The following PARD3B variants were observed in gnomAD, a reference collection of about 807,000 sequenced individuals.
PARD3B encodes the protein par-3 family cell polarity regulator beta, also known as partitioning defective 3 homolog B.
PARD3B carries 103 observed loss-of-function variants against 130.2 expected under a neutral mutation model. The observed-to-expected ratio is 0.79, with a 90% CI of 0.67 to 0.93. The LOEUF is 0.93. Ranked by LOEUF, PARD3B falls within the 40% of genes least tolerant of loss-of-function variation. PARD3B has a pLI of 0.00. For synonymous variants in PARD3B, 583 were observed against 553.2 expected (o/e 1.05, Z -0.76); for missense variants, 1,609 against 1,499.2 (o/e 1.07, Z -1.21).
intron 2 of PARD3B, among the ~76,000 whole-genome samples, chr2:204,905,748 A>AG (rs913282993): frequency 3.3e-5 from 5 of 152,218 alleles, no homozygotes; most frequent in African/African-American, 1.2e-4. Flanking sequence ...AGATTTTACT[A>AG]GGCAGCTGCC....
At chr2:204,785,497 G>A (rs148699602) in intron 2 of PARD3B, among the ~76,000 whole-genome samples, 2,276 of 152,156 alleles carry the variant, frequency 0.015, 172 homozygotes, top group Admixed American at 0.13. Context: ...AAGTCTCCGT[G>A]TCCATCCTTC....
chr2:205,316,460 C>T (rs1041510074), intron 18 of PARD3B, among the ~76,000 whole-genome samples: 2 of 152,026 alleles, frequency 1.3e-5, no homozygotes, highest in Non-Finnish European at 2.9e-5. Flanking sequence ...GATAAATATC[C>T]ATCTAAAATG....
chr2:205,169,479 A>G (rs1559504993), intron 11 of PARD3B, among the ~76,000 whole-genome samples: 1 of 152,160 alleles, frequency 6.6e-6, no homozygotes, highest in Non-Finnish European at 1.5e-5. Context: ...AAGTTCTCCT[A>G]TCTTCTTGTC....
At chr2:205,456,853 T>C (rs2048293462) in intron 20 of PARD3B, among the ~76,000 whole-genome samples, 1 of 149,674 alleles carries the variant, frequency 6.7e-6, no homozygotes, top group African/African-American at 2.4e-5. Context: ...TAATAAATAC[T>C]CAGTTAAATA....
chr2:204,989,194 A>C (rs1430673703), intron 3 of PARD3B, among the ~76,000 whole-genome samples: 1 of 152,156 alleles, frequency 6.6e-6, no homozygotes, highest in Non-Finnish European at 1.5e-5. Context: ...GATTTTTCAA[A>C]GGAAGTGAGG....
rs940715010 is a variant in PARD3B, at chr2:204,545,489, G to C, written c.-511G>C. On this transcript the variant is annotated 5_prime_UTR_variant, in exon 1 of 23. Coordinates refer to ENST00000406610, the MANE Select transcript of PARD3B (RefSeq NM_001302769.2). ...CCGTCGCCGGGACCGCAGGAGCCCA[G>C]AGCGCGGGCGCCGCAGAGGAGTTGG... is the stretch of plus-strand genomic sequence containing the variant. 2.6e-5 allele frequency among the ~76,000 whole-genome samples: 4 copies of C among 152,026 alleles called. No homozygotes were observed. Among genetic ancestry groups the C allele is most frequent in the African/African-American group, 7.2e-5 (3 of 41,424 alleles).
At chr2:204,555,734 T>G (rs540100284) in intron 1 of PARD3B, among the ~76,000 whole-genome samples, 2 of 152,318 alleles carry the variant, frequency 1.3e-5, no homozygotes, top group East Asian at 3.9e-4. Flanking sequence ...TCGCTTGTCA[T>G]GTTATTCAAG....
At chr2:204,860,986 A>G (rs1249617651) in intron 2 of PARD3B, among the ~76,000 whole-genome samples, 2 of 152,214 alleles carry the variant, frequency 1.3e-5, no homozygotes. Context: ...AATGCTATAC[A>G]TAATTGAATC....
At chr2:205,104,774 C>G (rs1703083071) in intron 5 of PARD3B, among the ~76,000 whole-genome samples, 1 of 152,104 alleles carries the variant, frequency 6.6e-6, no homozygotes, top group African/African-American at 2.4e-5. Flanking sequence ...ATACTTTTTT[C>G]TCTCCTCAAA....
rs71032484 is a variant in PARD3B, at chr2:205,542,144, C to CAAAAAAA, written c.3181-11157_3181-11151dup. ...GGCAACAAGAGTGAAACTCCGTCTC[C>CAAAAAAA]AAAAAAAAAAAAAAAAAAAAAAAAA... On this transcript the variant is annotated intron_variant, in intron 21 of 22. Transcript: ENST00000406610. 1.0e-3 allele frequency among the ~76,000 whole-genome samples: 38 copies of CAAAAAAA among 38,068 alleles called. 2 individuals are homozygous for CAAAAAAA. The highest frequency in any genetic ancestry group is 2.7e-3 in the African/African-American group (20 of 7,420). 25.0% of individuals were successfully genotyped at this position (38,068 alleles called of 152,430 possible).
chr2:205,564,878 GTC>G lies in PARD3B; in HGVS notation c.3260+11480_3260+11481del, dbSNP rs1027311014. Among the ~76,000 whole-genome samples, 3 of 152,142 alleles carry G rather than the reference GTC, an allele frequency of 2.0e-5. No homozygotes were observed. The highest frequency in any genetic ancestry group is 7.2e-5 in the African/African-American group (3 of 41,428). The stretch of plus-strand genomic sequence containing the variant: ...GAACGTGTTCCTGCTTCTATTCCAA[GTC>G]TCTCATTAAGCCTAGACAGAAGTGA... On this transcript the variant is annotated intron_variant, in intron 22 of 22. Coordinates refer to ENST00000406610, the MANE Select transcript of PARD3B (RefSeq NM_001302769.2). This position sits in a 1 kb window ranked among gnomAD's most constrained non-coding sequence, Gnocchi z 4.6.
intron 20 of PARD3B, among the ~76,000 whole-genome samples, chr2:205,492,075 C>A (rs1283568989): frequency 6.6e-6 from 1 of 152,106 alleles, no homozygotes; most frequent in Non-Finnish European, 1.5e-5. Flanking sequence ...TTTGTTGAAC[C>A]CTTGAAAATT....
intron 20 of PARD3B, among the ~76,000 whole-genome samples, chr2:205,498,331 G>T (rs1287494417): frequency 6.6e-6 from 1 of 151,844 alleles, no homozygotes; most frequent in Non-Finnish European, 1.5e-5. Context: ...GTGAAATCCT[G>T]TCTCTACTAA....
intron 16 of PARD3B, among the ~76,000 whole-genome samples, chr2:205,290,776 A>G (rs1207424): frequency 0.91 from 137,953 of 152,216 alleles, 62,693 homozygotes; most frequent in Admixed American, 0.94. Context: ...GTATTAGTAG[A>G]TAGGGCCTTT....
intron 2 of PARD3B, among the ~76,000 whole-genome samples, chr2:204,847,633 TA>T (rs1309299555): frequency 6.6e-6 from 1 of 152,186 alleles, no homozygotes; most frequent in Admixed American, 6.6e-5. Flanking sequence ...TCACTGTCTG[TA>T]GGCTACCATC....
chr2:204,714,087 T>C (rs2125305704), intron 2 of PARD3B, among the ~76,000 whole-genome samples: 1 of 152,322 alleles, frequency 6.6e-6, no homozygotes, highest in South Asian at 2.1e-4. Context: ...AGGTCATACC[T>C]GTATCTGTGA....
intron 2 of PARD3B, among the ~76,000 whole-genome samples, chr2:204,864,181 C>T (rs143536098): frequency 6.6e-6 from 1 of 152,102 alleles, no homozygotes; most frequent in Non-Finnish European, 1.5e-5. Context: ...ACTCCTAAGC[C>T]GTTCCTGTAC....
chr2:204,986,058 G>T (rs1693112657), intron 3 of PARD3B, among the ~76,000 whole-genome samples: 1 of 124,394 alleles, frequency 8.0e-6, no homozygotes, highest in African/African-American at 3.1e-5. Flanking sequence ...CCGAGATAGT[G>T]CCATTGCATT....
chr2:205,067,660 T>G (rs1375972871), intron 4 of PARD3B, among the ~76,000 whole-genome samples: 2 of 152,182 alleles, frequency 1.3e-5, no homozygotes, highest in African/African-American at 2.4e-5. Context: ...GGTATGTGTG[T>G]GGGTCTATTT....
Sources: allele counts gnomAD v4.1 joint callset (sites outside exome capture counted in the v4.1 genomes callset), GRCh38; gene constraint gnomAD v4.1.1; non-coding constraint Gnocchi (gnomAD v3.1); transcripts MANE v1.5; gene names NCBI Gene and HGNC (gene_info 2026-07-23, HGNC 2026-07-21).